Variants in ITFG2 observed in about 807,000 individuals in gnomAD.
ITFG2 encodes the protein integrin alpha FG-GAP repeat containing 2.
A neutral mutation model predicts 54.4 loss-of-function variants in ITFG2; 36 were observed. That is an observed-to-expected ratio of 0.66 (90% CI 0.51 to 0.87). The LOEUF (loss-of-function observed/expected upper bound fraction) is 0.87. Among genes scored for constraint, ITFG2 ranks in the 40% least tolerant of loss-of-function variants. The probability of loss-of-function intolerance (pLI) is 0.00; values close to 1 mark genes in which losing one functional copy is unlikely to be tolerated. For synonymous variants in ITFG2, 211 were observed against 225.4 expected (o/e 0.94, Z 0.57); for missense variants, 524 against 576.7 (o/e 0.91, Z 0.94).
intron 2 of ITFG2, chr12:2,856,877 G>A: frequency 1.4e-6 from 1 of 698,604 alleles, no homozygotes; most frequent in Non-Finnish European, 2.6e-6. Context: ...CCAGAAGAAA[G>A]CCTGGCCCAC....
intron 1 of ITFG2, among the ~76,000 whole-genome samples, chr12:2,838,904 G>A (rs1603485254): frequency 6.6e-6 from 1 of 152,132 alleles, no homozygotes; most frequent in Non-Finnish European, 1.5e-5. Context: ...AGAATGTGGG[G>A]AGTGTTGTGA....
upstream of ITFG2, among the ~76,000 whole-genome samples, chr12:2,833,873 C>T (rs189547130): frequency 7.7e-4 from 117 of 152,308 alleles, no homozygotes; most frequent in African/African-American, 2.2e-3. Context: ...GGCACAGAGA[C>T]GTAAAGTCAA....
chr12:2,822,418 G>T (rs1398044036), intron 9 of ITFG2, among the ~76,000 whole-genome samples: 1 of 152,156 alleles, frequency 6.6e-6, no homozygotes, highest in Admixed American at 6.5e-5. Context: ...TATTTTGTAG[G>T]TTTTTCTTGT....
chr12:2,849,736 G>A (rs2098064128), intron 2 of ITFG2, among the ~76,000 whole-genome samples: 1 of 152,222 alleles, frequency 6.6e-6, no homozygotes, highest in Admixed American at 6.5e-5. Context: ...TTAGGCTGGT[G>A]AAATAATGTC....
At chr12:2,829,171 G>A (rs538563814), downstream of ITFG2, among the ~76,000 whole-genome samples, 1 of 152,286 alleles carries the variant, frequency 6.6e-6, no homozygotes, top group Non-Finnish European at 1.5e-5. Context: ...CTCCTGGTTC[G>A]AAAACTCCAG....
intron 4 of ITFG2, 125 bp from the exon 5 acceptor site, chr12:2,819,961 A>G (rs1013013607): frequency 8.2e-5 from 102 of 1,245,790 alleles, no homozygotes; most frequent in Non-Finnish European, 1.1e-4. Context: ...GGGCAGACTG[A>G]GGGTGAAGTG....
downstream of ITFG2, chr12:2,830,999 G>T: frequency 2.5e-6 from 2 of 799,348 alleles, no homozygotes; most frequent in Admixed American, 3.1e-5. Context: ...TTACCCTAGG[G>T]TCCCAGATAA....
At chr12:2,859,044 G>T in intron 3 of ITFG2, 1 of 1,608,990 alleles carries the variant, frequency 6.2e-7, no homozygotes, top group Non-Finnish European at 8.5e-7. Flanking sequence ...TACTTTGGCT[G>T]GGGGCGTGAG....
intron 9 of ITFG2, 139 bp downstream of exon 9, chr12:2,821,931 C>CA (rs2097946505): frequency 3.9e-6 from 2 of 518,396 alleles, no homozygotes; most frequent in Non-Finnish European, 6.6e-6. Context: ...TTTTTTTTTC[C>CA]TTTTTTTTTT....
intron 3 of ITFG2, chr12:2,859,160 G>A: frequency 6.2e-7 from 1 of 1,607,662 alleles, no homozygotes; most frequent in Non-Finnish European, 8.5e-7. Flanking sequence ...CTTCCTGGGA[G>A]TAGCTGAGCT....
At position 2,844,775 on chromosome 12, in the gene ITFG2, A is replaced by G. The variant is rs370480269; in HGVS notation, n.300+3780A>G. ...TGGACACGACCTCCCCTTCCTAGTG[A>G]TACTCAGACTAAAGAAGTCACTGAC... On this transcript the variant is annotated intron_variant and non_coding_transcript_variant, in intron 2 of 3. Coordinates refer to the ITFG2 transcript ENST00000537710. Among the ~76,000 whole-genome samples the G allele has an allele frequency of 3.3e-5, 5 of 152,088 alleles. No homozygotes were observed. In the East Asian group the frequency reaches 9.6e-4, roughly 29 times the overall value.
At chr12:2,849,880 C>G (rs2098064523) in intron 2 of ITFG2, among the ~76,000 whole-genome samples, 1 of 152,240 alleles carries the variant, frequency 6.6e-6, no homozygotes, top group Admixed American at 6.5e-5. Context: ...AATCACAGAA[C>G]TCAGCTCAAC....
Position 2,856,553 on chromosome 12 carries a change from C to T in ITFG2, n.301-1459C>T, listed in dbSNP as rs192460404. Among the ~76,000 whole-genome samples, 103 of 152,194 alleles carry T rather than the reference C, an allele frequency of 6.8e-4. No individual in the cohort carries two copies. In the Middle Eastern group the frequency reaches 0.01, roughly 15 times the overall value. On this transcript the variant is annotated intron_variant and non_coding_transcript_variant, in intron 2 of 3. Transcript: ENST00000537710. Reference sequence around the variant, plus strand: ...GCTAATTTGGTATTTTTAGTAGAGACGGTTTCATCATGTTGGCCAAGCTGG... The same window carrying T: ...GCTAATTTGGTATTTTTAGTAGAGATGGTTTCATCATGTTGGCCAAGCTGG...
At position 2,817,241 on chromosome 12, in the gene ITFG2, G is replaced by A; in HGVS notation, c.115G>A (p.Gly39Arg). The change falls in exon 2 of 12, where the codon GGA (glycine) becomes AGA (arginine). Residue 39 changes from glycine to arginine, a missense_variant. By Grantham distance (125) the Gly-to-Arg change is moderately radical (BLOSUM62 -2). Transcript: ENST00000228799. ...DNDTLNELVV[G>R]DTSGKVSVYK... ...TTTGAAGTTAAATGAACTGGTGGTG[G>A]GAGACACCAGCGGGAAGGTGTCTGT... 1 of 1,612,194 alleles carries A rather than the reference G, an allele frequency of 6.2e-7. No individual in the cohort carries two copies. Among genetic ancestry groups the A allele is most frequent in the Non-Finnish European group, 8.5e-7 (1 of 1,178,448 alleles).
Position 2,817,302 on chromosome 12 carries a change from G to T in ITFG2, c.176G>T (p.Cys59Phe). 3.1e-6 allele frequency: 5 copies of T among 1,613,238 alleles called. No homozygotes were observed. The highest frequency in any genetic ancestry group is 3.4e-6 in the Non-Finnish European group (4 of 1,179,500). The change falls in exon 2 of 12, where the codon TGT becomes TTT. Residue 59 changes from cysteine to phenylalanine, a missense_variant. Coordinates refer to ENST00000228799, the MANE Select transcript of ITFG2 (RefSeq NM_018463.4). ...GATGACAGTCGGCCATGGCTCACCT[G>T]TTCCTGCCAGGGAATGGTCAGTATT... is the stretch of plus-strand genomic sequence containing the variant. The part of the protein sequence containing the change: ...KNDDSRPWLT[C>F]SCQGMLTCVG...
Position 2,824,174 on chromosome 12 carries a change from G to C in ITFG2, c.1325G>C (p.Ser442Thr). Residue 442 changes from serine (S) to threonine (T), a missense_variant, in exon 12 of 12, where the codon AGC becomes ACC. By Grantham distance (58) the Ser-to-Thr change is moderately conservative (BLOSUM62 1). Coordinates refer to ENST00000228799, the MANE Select transcript of ITFG2 (RefSeq NM_018463.4). ...CAGCCACCACAGTGTGCTCCCTCAA[G>C]CCTCCAGGATCCCACCTAGCTGTAC... The part of the protein sequence containing the change: ...PDQPPQCAPS[S>T]LQDPT 6.2e-7 allele frequency: 1 copy of C among 1,614,110 alleles called. No individual in the cohort carries two copies. Among genetic ancestry groups the C allele is most frequent in the Non-Finnish European group, 8.5e-7 (1 of 1,180,006 alleles).
At chr12:2,827,307 G>A (rs1289226641), downstream of ITFG2, 2 of 1,611,146 alleles carry the variant, frequency 1.2e-6, no homozygotes, top group South Asian at 1.1e-5. The surrounding 1 kb of genome is among the most constrained non-coding windows in gnomAD (Gnocchi z 4.0). Context: ...GCACTGCGGG[G>A]TGTAGAGCAG....
intron 2 of ITFG2, among the ~76,000 whole-genome samples, chr12:2,854,069 C>A (rs189880256): frequency 5.9e-5 from 9 of 152,224 alleles, no homozygotes; most frequent in Admixed American, 1.3e-4. Flanking sequence ...CTTGTTGCCC[C>A]GGCTGGAGTG....
intron 5 of ITFG2, 62 bp from the exon 6 acceptor site, chr12:2,820,662 T>G: frequency 5.6e-6 from 3 of 540,452 alleles, no homozygotes; most frequent in East Asian, 7.4e-5. Context: ...CCCCCTGCCG[T>G]TCTCTGCAGG....
Sources: gnomAD v4.1 joint callset for allele counts (sites outside exome capture counted in the v4.1 genomes callset) on GRCh38, gnomAD v4.1.1 for gene constraint, Gnocchi (gnomAD v3.1) non-coding constraint, MANE v1.5 for transcripts, NCBI Gene and HGNC (gene_info 2026-07-23, HGNC 2026-07-21) for gene names.